The following CCSER1 variants were observed in gnomAD, a reference collection of about 807,000 sequenced individuals.
The protein encoded by CCSER1 is coiled-coil serine rich protein 1.
Under a neutral mutation model 82.0 loss-of-function variants are expected in CCSER1, and 41 were observed. The observed-to-expected ratio is 0.50, with a 90% CI of 0.39 to 0.65. The LOEUF (loss-of-function observed/expected upper bound fraction) is 0.65, where lower values mean the gene tolerates loss of function less well. Ranked by LOEUF, CCSER1 falls within the 30% of genes least tolerant of loss-of-function variation. The pLI is 0.00. For synonymous variants in CCSER1, 414 were observed against 383.9 expected (o/e 1.08, Z -0.92); for missense variants, 1,119 against 1,064.2 (o/e 1.05, Z -0.72).
chr4:91,386,288 T>A (rs1023849680), intron 10 of CCSER1, among the ~76,000 whole-genome samples: 1 of 151,962 alleles, frequency 6.6e-6, no homozygotes, highest in Admixed American at 6.6e-5. Context: ...TTGAAGGAGC[T>A]CTCACTGTAA....
At chr4:90,389,640 A>T (rs972073815) in intron 3 of CCSER1, among the ~76,000 whole-genome samples, 2 of 152,166 alleles carry the variant, frequency 1.3e-5, no homozygotes, top group East Asian at 3.9e-4. Context: ...AACTGATCAG[A>T]TGGAGCACAA....
intron 6 of CCSER1, among the ~76,000 whole-genome samples, chr4:90,682,626 A>G (rs1005993154): frequency 2.6e-5 from 4 of 152,036 alleles, no homozygotes; most frequent in African/African-American, 9.7e-5. Flanking sequence ...TCATAACTCC[A>G]CTAACCAAGG....
intron 10 of CCSER1, among the ~76,000 whole-genome samples, chr4:91,204,391 CCTTAA>C (rs1244781892): frequency 6.6e-6 from 1 of 151,630 alleles, no homozygotes. Flanking sequence ...AACATAAAGC[CCTTAA>C]CTTCAGCATG....
At chr4:90,431,564 C>A (rs1758282281) in intron 4 of CCSER1, among the ~76,000 whole-genome samples, 1 of 152,082 alleles carries the variant, frequency 6.6e-6, no homozygotes, top group South Asian at 2.1e-4. Flanking sequence ...AGCAATTTTA[C>A]AACTAAATGG....
chr4:90,242,633 G>C lies in CCSER1; in HGVS notation c.-41-65611G>C, dbSNP rs28630736. Among the ~76,000 whole-genome samples, 1,033 of 152,254 alleles carry C rather than the reference G, an allele frequency of 6.8e-3. 8 individuals are homozygous for C. Among genetic ancestry groups the C allele is most frequent in the African/African-American group, 0.024 (1,000 of 41,550 alleles). On this transcript the variant is annotated intron_variant, in intron 1 of 10. Coordinates refer to ENST00000509176, the MANE Select transcript of CCSER1 (RefSeq NM_001145065.2). ...CAAAATGCATCATTTCCATGGCTCT[G>C]TGAAAACTAAGCTTACAAAAATGAT...
rs547705839 is a variant in CCSER1, at chr4:90,323,549, A to G, written c.1509+10502A>G. On this transcript the variant is annotated intron_variant, in intron 3 of 10. Coordinates refer to ENST00000509176, the MANE Select transcript of CCSER1 (RefSeq NM_001145065.2). ...AAGACAGCACCGAGTCCCAATGCAA[A>G]GCCTCACAATCACTTCACTCTCCCT... Among the ~76,000 whole-genome samples the G allele has an allele frequency of 2.2e-4, 33 of 152,298 alleles. No individual in the cohort carries two copies. The South Asian group carries it at 4.6e-3, about 21-fold the overall frequency.
chr4:90,975,430 C>T (rs1735520808), intron 9 of CCSER1, among the ~76,000 whole-genome samples: 1 of 150,988 alleles, frequency 6.6e-6, no homozygotes, highest in Admixed American at 6.6e-5. Context: ...ATATTGTGCA[C>T]CTTAAATATA....
At chr4:91,542,135 G>T (rs1204211225) in intron 10 of CCSER1, among the ~76,000 whole-genome samples, 2 of 152,104 alleles carry the variant, frequency 1.3e-5, no homozygotes, top group Admixed American at 6.6e-5. Context: ...TGAGCCCTTT[G>T]CCAGATGGGT....
intron 10 of CCSER1, among the ~76,000 whole-genome samples, chr4:91,095,176 G>A (rs1173191340): frequency 2.0e-5 from 3 of 152,166 alleles, no homozygotes; most frequent in African/African-American, 4.8e-5. Context: ...TTTGAGCCCG[G>A]TCCCCTTCAG....
intron 7 of CCSER1, among the ~76,000 whole-genome samples, chr4:90,802,899 CTT>C (rs77042698): frequency 0.35 from 51,531 of 148,782 alleles, 8,914 homozygotes; most frequent in East Asian, 0.43. Context: ...TTTCTTTCTT[CTT>C]TTTTTTTTTC....
intron 10 of CCSER1, among the ~76,000 whole-genome samples, chr4:91,099,936 T>A (rs1179690383): frequency 6.6e-6 from 1 of 152,092 alleles, no homozygotes; most frequent in African/African-American, 2.4e-5. Flanking sequence ...AAACTAGCTA[T>A]GTTAGTAGAG....
At chr4:90,877,379 A>G (rs1393723596) in intron 8 of CCSER1, among the ~76,000 whole-genome samples, 2 of 152,146 alleles carry the variant, frequency 1.3e-5, no homozygotes, top group Non-Finnish European at 2.9e-5. Flanking sequence ...TATACATGGA[A>G]AAAGTATAAT....
rs911893535 is a variant in CCSER1, at chr4:90,711,207, G to A, written c.1933-12707G>A. Among the ~76,000 whole-genome samples the A allele has an allele frequency of 3.9e-5, 6 of 152,088 alleles. No homozygotes were observed. The Middle Eastern group carries it at 0.014, about 347-fold the overall frequency. On this transcript the variant is annotated intron_variant, in intron 6 of 10. Transcript: ENST00000509176. Reference sequence around the variant, plus strand: ...TATCCTGAGACTTTGCTGAAATTGTGTATTAGCTTAAGAAGCTTTAGTGCT... The same window carrying A: ...TATCCTGAGACTTTGCTGAAATTGTATATTAGCTTAAGAAGCTTTAGTGCT...
At chr4:91,178,384 T>C (rs1420762674) in intron 10 of CCSER1, among the ~76,000 whole-genome samples, 6 of 132,298 alleles carry the variant, frequency 4.5e-5, no homozygotes, top group African/African-American at 1.1e-4. Context: ...TTCTGTCTCG[T>C]TGATCTGTCT....
intron 9 of CCSER1, among the ~76,000 whole-genome samples, chr4:91,047,972 G>T (rs979778045): frequency 4.6e-5 from 7 of 151,730 alleles, no homozygotes; most frequent in African/African-American, 1.7e-4. Context: ...CTCTTATTCT[G>T]GTTCTTTGAG....
chr4:90,730,622 G>A (rs1399566291), intron 7 of CCSER1, among the ~76,000 whole-genome samples: 1 of 152,096 alleles, frequency 6.6e-6, no homozygotes, highest in Non-Finnish European at 1.5e-5. Flanking sequence ...GAAAAGTAAA[G>A]CGCAATATGA....
At chr4:90,732,027 T>TTCTC (rs76331329) in intron 7 of CCSER1, among the ~76,000 whole-genome samples, 3,126 of 131,160 alleles carry the variant, frequency 0.024, 111 homozygotes, top group African/African-American at 0.065. Context: ...CTATTGGGAT[T>TTCTC]TCTCTCTCTC....
chr4:90,930,603 ACT>A (rs1729622672), intron 9 of CCSER1, among the ~76,000 whole-genome samples: 2 of 150,976 alleles, frequency 1.3e-5, no homozygotes, highest in Non-Finnish European at 3.0e-5. Flanking sequence ...ACAGAGAGAG[ACT>A]CTGTCTCAAA....
chr4:91,245,589 C>T (rs928040306), intron 10 of CCSER1, among the ~76,000 whole-genome samples: 2 of 152,038 alleles, frequency 1.3e-5, no homozygotes, highest in African/African-American at 4.8e-5. Flanking sequence ...CTTCCCAAGA[C>T]AAACAAAAAC....
Sources: allele counts gnomAD v4.1 joint callset (sites outside exome capture counted in the v4.1 genomes callset), GRCh38; gene constraint gnomAD v4.1.1; transcripts MANE v1.5; gene names NCBI Gene and HGNC (gene_info 2026-07-23, HGNC 2026-07-21).